SLC5A2: variants seen among roughly 807,000 people sequenced by gnomAD.
The protein encoded by SLC5A2 is solute carrier family 5 member 2.
A neutral mutation model predicts 69.0 loss-of-function variants in SLC5A2; 67 were observed. The observed-to-expected ratio is 0.97, with a 90% CI of 0.80 to 1.19. The LOEUF (loss-of-function observed/expected upper bound fraction) is 1.19. SLC5A2 is among the 50% of genes most tolerant of loss of function. The pLI is 0.00. For missense variants in SLC5A2, 1,001 were observed against 921.5 expected (o/e 1.09, Z -1.12); for synonymous variants, 455 against 395.8 (o/e 1.15, Z -1.78).
chr16:31,488,000 G>A, intron 7 of SLC5A2, 38 bp from the exon 8 acceptor site: 2 of 1,608,090 alleles, frequency 1.2e-6, no homozygotes, highest in East Asian at 4.5e-5. Context: ...GGGCCGAGGG[G>A]AGGCCCGCAA....
intron 7 of SLC5A2, 121 bp downstream of exon 7, chr16:31,487,880 C>A: frequency 7.2e-7 from 1 of 1,395,222 alleles, no homozygotes; most frequent in African/African-American, 1.4e-5. Flanking sequence ...GGGAACCCCT[C>A]GGGTTGGTGC....
intron 12 of SLC5A2, chr16:31,489,856 G>A: frequency 1.9e-6 from 1 of 537,724 alleles, no homozygotes; most frequent in East Asian, 3.6e-5. Context: ...GGTGTAGACA[G>A]ACCTGAGCTG....
chr16:31,486,771 T>A (rs974526893), intron 5 of SLC5A2, among the ~76,000 whole-genome samples: 5 of 152,042 alleles, frequency 3.3e-5, no homozygotes, highest in African/African-American at 1.2e-4. Context: ...TGGGGCCGGC[T>A]GGGAGCGGCT....
At chr16:31,489,543 G>C (rs1486334586) in intron 12 of SLC5A2, 3 of 620,340 alleles carry the variant, frequency 4.8e-6, no homozygotes, top group Non-Finnish European at 8.6e-6. Flanking sequence ...GATGTTGATG[G>C]GTTGGTGATT....
intron 4 of SLC5A2, 29 bp from the exon 5 acceptor site, chr16:31,486,141 C>T: frequency 6.4e-7 from 1 of 1,553,408 alleles, no homozygotes; most frequent in Non-Finnish European, 8.9e-7. Context: ...TGCCCTGGGT[C>T]CTGACCTGGC....
chr16:31,488,096 T>A lies in SLC5A2; in HGVS notation c.944T>A (p.Ile315Asn), dbSNP rs191696229. The A allele has an allele frequency of 6.2e-7, 1 of 1,614,030 alleles. No individual in the cohort carries two copies. Among genetic ancestry groups the A allele is most frequent in the East Asian group, 2.2e-5 (1 of 44,852 alleles). Residue 315 changes from isoleucine to asparagine, a missense_variant, in exon 8 of 14, where the codon ATC becomes AAC. Ile to Asn is a moderately radical substitution (Grantham distance 149). Coordinates refer to ENST00000330498, the MANE Select transcript of SLC5A2 (RefSeq NM_003041.4). ...KSLTHIKAGC[I>N]LCGYLKLTPM... The stretch of plus-strand genomic sequence containing the variant: ...CTGACCCACATCAAGGCGGGCTGCA[T>A]CCTGTGTGGGTACCTGAAGCTGACG...
In SLC5A2 at chr16:31,490,528, A is replaced by C. The variant is rs141376808; in HGVS notation, c.2012A>C (p.Tyr671Ser). 1.9e-6 allele frequency: 3 copies of C among 1,610,906 alleles called. No homozygotes were observed. Among genetic ancestry groups the C allele is most frequent in the African/African-American group, 1.3e-5 (1 of 74,904 alleles). The change falls in exon 14 of 14, where the codon TAT becomes TCT. Residue 671 changes from tyrosine to serine, a missense_variant. Physicochemically the swap from Tyr to Ser is moderately radical, Grantham distance 144. Transcript: ENST00000330498. ...GTGGCCGTGTTCCTCTGGGGCTTCT[A>C]TGCCTAAGACCAACTGCGTTGGACA... ...MAVAVFLWGF[Y>S]A
At chr16:31,485,462 T>A (rs1022169970) in intron 3 of SLC5A2, 4 of 562,852 alleles carry the variant, frequency 7.1e-6, no homozygotes, top group Non-Finnish European at 9.5e-6. Flanking sequence ...GGGGTTCATA[T>A]CTAGATGATC....
chr16:31,487,490 AG>A, intron 6 of SLC5A2, 39 bp from the exon 7 acceptor site: 1 of 1,611,676 alleles, frequency 6.2e-7, no homozygotes, highest in Non-Finnish European at 8.5e-7. Flanking sequence ...CTCCGGTCTG[AG>A]GGTCCTAAGG....
At position 31,490,572 on chromosome 16, in the gene SLC5A2, C is replaced by G; in HGVS notation, c.*37C>G. ...TTGGACACCATAAGCCACAGCCTCA[C>G]AGGAAGTGGGGGTGAGGAGCCTGCG... On this transcript the variant is annotated 3_prime_UTR_variant, in exon 14 of 14. Transcript: ENST00000330498. 6.6e-7 allele frequency: 1 copy of G among 1,525,838 alleles called. No homozygotes were observed. The highest frequency in any genetic ancestry group is 9.0e-7 in the Non-Finnish European group (1 of 1,110,348). 94.5% of individuals were successfully genotyped at this position (1,525,838 alleles called of 1,614,324 possible). A position where few individuals can be genotyped will look rare whatever the true frequency, so the allele number is the denominator to read the frequency against.
Position 31,486,266 on chromosome 16 carries a change from A to G in SLC5A2, c.565A>G (p.Thr189Ala), listed in dbSNP as rs1322896185. 6.2e-7 allele frequency: 1 copy of G among 1,612,808 alleles called. No individual in the cohort carries two copies. The highest frequency in any genetic ancestry group is 2.2e-5 in the East Asian group (1 of 44,846). The change falls in exon 5 of 14, where the codon ACG (threonine) becomes GCG (alanine). Residue 189 changes from threonine (T) to alanine (A), a missense_variant. Coordinates refer to ENST00000330498, the MANE Select transcript of SLC5A2 (RefSeq NM_003041.4). ...GCTTCTGGGCATCACCATGATTTACACGGTGACAGGTGCCAGCAGGGGCTT... is the reference window on the plus strand; with the variant it reads ...GCTTCTGGGCATCACCATGATTTACGCGGTGACAGGTGCCAGCAGGGGCTT... Reference protein sequence around the residue: ...IALLGITMIYTVTGGLAALMY... With the variant: ...IALLGITMIYAVTGGLAALMY...
In SLC5A2 at chr16:31,486,161, T is replaced by C. The variant is rs918779277; in HGVS notation, c.469-9T>C. 6.2e-7 allele frequency: 1 copy of C among 1,607,834 alleles called. No individual in the cohort carries two copies. Among genetic ancestry groups the C allele is most frequent in the Admixed American group, 1.7e-5 (1 of 59,974 alleles). On this transcript the variant is annotated splice_polypyrimidine_tract_variant and intron_variant, in intron 4 of 13. Coordinates refer to ENST00000330498, the MANE Select transcript of SLC5A2 (RefSeq NM_003041.4). Reference sequence around the variant, plus strand: ...TGGGTCCTGACCTGGCACTTGCTTCTCCCCCAAGGTGGACATGTTCTCCGG... The same window carrying C: ...TGGGTCCTGACCTGGCACTTGCTTCCCCCCCAAGGTGGACATGTTCTCCGG...
At position 31,485,871 on chromosome 16, in the gene SLC5A2, T is replaced by C. The variant is rs776591467; in HGVS notation, c.446T>C (p.Leu149Pro). ...TACCTGTCTGTGCTCTCCCTTTTCC[T>C]GTACATCTTCACCAAGATCTCAGTG... ...RLYLSVLSLF[L>P]YIFTKISVDM... The change falls in exon 4 of 14, where the codon CTG becomes CCG. Residue 149 changes from leucine to proline, a missense_variant. By Grantham distance (98) the Leu-to-Pro change is moderately conservative (BLOSUM62 -3). Coordinates refer to ENST00000330498, the MANE Select transcript of SLC5A2 (RefSeq NM_003041.4). 1.9e-6 allele frequency: 3 copies of C among 1,613,638 alleles called. No homozygotes were observed. Among genetic ancestry groups the C allele is most frequent in the East Asian group, 2.2e-5 (1 of 44,876 alleles).
In SLC5A2 at chr16:31,487,328, G is replaced by C. The variant is rs779892087; in HGVS notation, c.583G>C (p.Ala195Pro). The change falls in exon 6 of 14, where the codon GCC becomes CCC. Residue 195 changes from alanine to proline, a missense_variant. By Grantham distance (27) the Ala-to-Pro change is conservative (BLOSUM62 -1). Transcript: ENST00000330498. Reference protein sequence around the residue: ...TMIYTVTGGLAALMYTDTVQT... With the variant: ...TMIYTVTGGLPALMYTDTVQT... ...ACCCCGGCCTGTTGCAGGAGGGCTG[G>C]CCGCGCTGATGTACACGGACACGGT... The C allele has an allele frequency of 1.3e-5, 21 of 1,613,640 alleles. No homozygotes were observed. The African/African-American group carries it at 2.0e-4, about 15-fold the overall frequency.
intron 12 of SLC5A2, 82 bp from the exon 13 acceptor site, chr16:31,490,022 G>T: frequency 6.3e-7 from 1 of 1,582,922 alleles, no homozygotes; most frequent in South Asian, 1.1e-5. Flanking sequence ...GGCAGGCAGT[G>T]ACGAGCTGGT....
chr16:31,490,276 G>T (rs376265028), intron 13 of SLC5A2, 33 bp from the exon 14 acceptor site: 2 of 1,613,476 alleles, frequency 1.2e-6, no homozygotes, highest in South Asian at 1.1e-5. Flanking sequence ...CTGAGTTCCC[G>T]CAAACTAACT....
chr16:31,488,403 CCT>C lies in SLC5A2; in HGVS notation c.1043_1044del (p.Pro348ArgfsTer113). On this transcript the variant is annotated frameshift_variant, in exon 9 of 14. Coordinates refer to ENST00000330498, the MANE Select transcript of SLC5A2 (RefSeq NM_003041.4). LOFTEE classifies it high-confidence loss of function. The stretch of plus-strand genomic sequence containing the variant: ...GGCAGACGAGGTGGCGTGCGTGGTG[CCT>C]GAGGTGTGCAGGCGCGTGTGCGGCA... ...LYPDEVACVV[P>X]EVCRRVCGTE... 1 of 1,611,770 alleles carries C rather than the reference CCT, an allele frequency of 6.2e-7. No individual in the cohort carries two copies. The highest frequency in any genetic ancestry group is 8.5e-7 in the Non-Finnish European group (1 of 1,179,778).
At position 31,489,322 on chromosome 16, in the gene SLC5A2, C is replaced by T. The variant is rs1481644607; in HGVS notation, c.1649C>T (p.Pro550Leu). The T allele has an allele frequency of 6.2e-7, 1 of 1,608,834 alleles. No individual in the cohort carries two copies. Among genetic ancestry groups the T allele is most frequent in the South Asian group, 1.1e-5 (1 of 91,074 alleles). ...LTLTVSLCTA[P>L]IPRKHLHRLV... ...CTCACGGTCTCCCTGTGCACCGCGC[C>T]CATCCCCAGAAAGCACGTGAGTGGC... Residue 550 changes from proline (P) to leucine (L), a missense_variant, in exon 12 of 14, where the codon CCC becomes CTC. By Grantham distance (98) the Pro-to-Leu change is moderately conservative (BLOSUM62 -3). Transcript: ENST00000330498.
In SLC5A2 at chr16:31,490,133, T is replaced by C. The variant is rs147022245; in HGVS notation, c.1695T>C (p.His565=). Residue 565 remains histidine, a synonymous_variant, in exon 13 of 14, where the codon CAT becomes CAC. Coordinates refer to ENST00000330498, the MANE Select transcript of SLC5A2 (RefSeq NM_003041.4). ...HLHRLVFSLR[H]SKEEREDLDA... ...ACCGCCTGGTCTTCAGTCTCCGGCATAGCAAGGAGGAACGGGAGGACCTGG... is the reference window on the plus strand; with the variant it reads ...ACCGCCTGGTCTTCAGTCTCCGGCACAGCAAGGAGGAACGGGAGGACCTGG... 16 of 1,613,888 alleles carry C rather than the reference T, an allele frequency of 9.9e-6. No individual in the cohort carries two copies. In the African/African-American group the frequency reaches 1.1e-4, roughly 11 times the overall value.
Sources: allele counts gnomAD v4.1 joint callset (sites outside exome capture counted in the v4.1 genomes callset), GRCh38; gene constraint gnomAD v4.1.1; transcripts MANE v1.5; gene names NCBI Gene and HGNC (gene_info 2026-07-23, HGNC 2026-07-21).